Variants in NECTIN1 observed in about 807,000 individuals in gnomAD.
The protein encoded by NECTIN1 is nectin-1.
A neutral mutation model predicts 48.0 loss-of-function variants in NECTIN1; 23 were observed. The observed-to-expected ratio is 0.48, with a 90% CI of 0.34 to 0.68. The LOEUF (loss-of-function observed/expected upper bound fraction) is 0.68, where lower values mean the gene tolerates loss of function less well. Ranked by LOEUF, NECTIN1 falls within the 30% of genes least tolerant of loss-of-function variation. The pLI, the probability that NECTIN1 is intolerant of heterozygous loss-of-function variation, is 0.01. For missense variants in NECTIN1, 591 were observed against 709.9 expected (o/e 0.83, Z 1.90); for synonymous variants, 270 against 288.9 (o/e 0.93, Z 0.66).
chr11:119,687,321 C>T (rs561682045), intron 1 of NECTIN1: 1 of 152,310 alleles, frequency 6.6e-6, no homozygotes, highest in Non-Finnish European at 1.5e-5. Flanking sequence ...AAACTCCATC[C>T]CTGAGGCCCT....
downstream of NECTIN1, among the ~76,000 whole-genome samples, chr11:119,658,116 G>A (rs188146823): frequency 6.6e-6 from 1 of 152,284 alleles, no homozygotes; most frequent in Admixed American, 6.5e-5. Context: ...CTCAAGCCGA[G>A]CGGCCAGCCA....
downstream of NECTIN1, among the ~76,000 whole-genome samples, chr11:119,657,324 C>T (rs900631981): frequency 3.9e-5 from 6 of 152,038 alleles, no homozygotes; most frequent in Admixed American, 3.3e-4. Context: ...ATTAAAAATA[C>T]GCCTGTTAGG....
intron 5 of NECTIN1, among the ~76,000 whole-genome samples, chr11:119,670,440 T>C (rs1048127150): frequency 2.6e-5 from 4 of 152,148 alleles, no homozygotes; most frequent in East Asian, 3.8e-4. Context: ...AATTCTACAA[T>C]GGCAAGATTA....
rs139515669 is a variant in NECTIN1, at chr11:119,673,916, C to T, written c.1003+1243G>A. Among the ~76,000 whole-genome samples the T allele has an allele frequency of 3.5e-3, 538 of 152,322 alleles. No homozygotes were observed. Among genetic ancestry groups the T allele is most frequent in the Non-Finnish European group, 5.8e-3 (392 of 68,024 alleles). ...ATGCTCCTCCTCCTATGACTAGTCT[C>T]GGGGCCAAGGCCAGGGATTGCAGAC... is the stretch of plus-strand genomic sequence containing the variant. On this transcript the variant is annotated intron_variant, in intron 5 of 5. Transcript: ENST00000264025. The surrounding 1 kb of genome is among the most constrained non-coding windows in gnomAD (Gnocchi z 5.8).
chr11:119,672,090 A>T lies in NECTIN1; in HGVS notation c.1003+3069T>A, dbSNP rs1331084770. 6.6e-6 allele frequency among the ~76,000 whole-genome samples: 1 copy of T among 152,236 alleles called. No individual in the cohort carries two copies. The highest frequency in any genetic ancestry group is 1.5e-5 in the Non-Finnish European group (1 of 68,036). On this transcript the variant is annotated intron_variant, in intron 5 of 5. Transcript: ENST00000264025. The surrounding 1 kb of genome is among the most constrained non-coding windows in gnomAD (Gnocchi z 4.3). ...CGCAATTCTGGGTCTGAAGAACTCC[A>T]GGACTGATGGGCAGACTGTGACCCT...
At position 119,696,848 on chromosome 11, in the gene NECTIN1, C is replaced by T. The variant is rs141332143; in HGVS notation, c.80-18083G>A. On this transcript the variant is annotated intron_variant, in intron 1 of 5. Transcript: ENST00000264025. ...GGGCGGATGGGGCGAGGCTGGAAGG[C>T]ATCTTGCCACATTGTCTAGGGAAGA... 4.6e-3 allele frequency among the ~76,000 whole-genome samples: 700 copies of T among 152,324 alleles called. 6 individuals carry two copies. The highest frequency in any genetic ancestry group is 0.015 in the African/African-American group (641 of 41,560).
chr11:119,713,196 A>G (rs576370495), intron 1 of NECTIN1, among the ~76,000 whole-genome samples: 68 of 152,220 alleles, frequency 4.5e-4, no homozygotes, highest in African/African-American at 1.6e-3. Context: ...CTGGCTTTGG[A>G]GACCAGAAAC....
chr11:119,689,319 G>A (rs1047119197), intron 1 of NECTIN1, among the ~76,000 whole-genome samples: 37 of 152,168 alleles, frequency 2.4e-4, no homozygotes, highest in African/African-American at 8.2e-4. Flanking sequence ...GCAGCCTCAG[G>A]AGCAGCACAC....
chr11:119,655,996 C>A (rs897533137), downstream of NECTIN1, among the ~76,000 whole-genome samples: 5 of 152,228 alleles, frequency 3.3e-5, no homozygotes, highest in Non-Finnish European at 5.9e-5. Flanking sequence ...CTCCTGGGCT[C>A]AAGCGATCCT....
chr11:119,659,440 C>G (rs1314658867), downstream of NECTIN1, among the ~76,000 whole-genome samples: 1 of 152,152 alleles, frequency 6.6e-6, no homozygotes, highest in Non-Finnish European at 1.5e-5. Context: ...CTTAGACACT[C>G]AGACAGGTGC....
chr11:119,657,539 A>G (rs971463082), downstream of NECTIN1, among the ~76,000 whole-genome samples: 1 of 150,216 alleles, frequency 6.7e-6, no homozygotes, highest in Non-Finnish European at 1.5e-5. Context: ...CACTTGAACC[A>G]GAGAGTCAGA....
chr11:119,692,904 G>T (rs922787352), intron 1 of NECTIN1, among the ~76,000 whole-genome samples: 1 of 152,198 alleles, frequency 6.6e-6, no homozygotes, highest in Admixed American at 6.5e-5. Context: ...CTCTGAACCA[G>T]ACCTGGGTGA....
Position 119,727,271 on chromosome 11 carries a change from A to G in NECTIN1, c.79+1204T>C, listed in dbSNP as rs1865924452. Among the ~76,000 whole-genome samples the G allele has an allele frequency of 6.6e-6, 1 of 152,202 alleles. No homozygotes were observed. The highest frequency in any genetic ancestry group is 1.5e-5 in the Non-Finnish European group (1 of 68,028). On this transcript the variant is annotated intron_variant, in intron 1 of 5. Transcript: ENST00000264025. This position sits in a 1 kb window ranked among gnomAD's most constrained non-coding sequence, Gnocchi z 4.1. ...AAACTGCCTGGCCATTCTGCGGCAAAGCACATTGCAGGAACTCGGGATCTA... is the reference window on the plus strand; with the variant it reads ...AAACTGCCTGGCCATTCTGCGGCAAGGCACATTGCAGGAACTCGGGATCTA...
At chr11:119,675,555 A>T in intron 4 of NECTIN1, 1 of 447,902 alleles carries the variant, frequency 2.2e-6, no homozygotes. Context: ...GGTCCCCCTT[A>T]ACAGATGAAA....
chr11:119,667,027 C>T (rs930134040), intron 5 of NECTIN1, among the ~76,000 whole-genome samples: 2 of 152,160 alleles, frequency 1.3e-5, no homozygotes, highest in Non-Finnish European at 2.9e-5. Flanking sequence ...ACCCCGCTCC[C>T]CACCTGCCAC....
chr11:119,725,042 G>GA (rs1206270394), intron 1 of NECTIN1, among the ~76,000 whole-genome samples: 1 of 152,200 alleles, frequency 6.6e-6, no homozygotes, highest in Non-Finnish European at 1.5e-5. Flanking sequence ...GATACAATCG[G>GA]AAAAATTGAA....
chr11:119,668,241 C>A (rs1277407636), intron 5 of NECTIN1, among the ~76,000 whole-genome samples: 1 of 152,242 alleles, frequency 6.6e-6, no homozygotes. Context: ...GCCACTGTCA[C>A]CACCATGGAA....
Position 119,665,185 on chromosome 11 carries a change from G to T in NECTIN1, c.1116C>A (p.Gly372=), listed in dbSNP as rs373835221. The change falls in exon 6 of 6, where the codon GGC becomes GGA. Residue 372 remains glycine, a synonymous_variant. Transcript: ENST00000264025. This position sits in a 1 kb window ranked among gnomAD's most constrained non-coding sequence, Gnocchi z 5.1. ...GSILLVLIVV[G]GIVVALRRRR... is the part of the protein sequence containing the mutation. ...GCCGACGCAGGGCGACCACGATCCC[G>T]CCGACCACAATCAACACCAGCAGGA... 2 of 1,609,580 alleles carry T rather than the reference G, an allele frequency of 1.2e-6. No homozygotes were observed. Among genetic ancestry groups the T allele is most frequent in the African/African-American group, 1.3e-5 (1 of 74,898 alleles).
At chr11:119,647,158 C>T (rs1555074728) in intron 5 of NECTIN1, among the ~76,000 whole-genome samples, 7 of 91,694 alleles carry the variant, frequency 7.6e-5, no homozygotes, top group African/African-American at 8.5e-5. Flanking sequence ...GAGCTTGCGG[C>T]GCATGTGTGT....
Sources: gnomAD v4.1 joint callset for allele counts (sites outside exome capture counted in the v4.1 genomes callset) on GRCh38, gnomAD v4.1.1 for gene constraint, Gnocchi (gnomAD v3.1) non-coding constraint, MANE v1.5 for transcripts, NCBI Gene and HGNC (gene_info 2026-07-23, HGNC 2026-07-21) for gene names.